Variants in GABRR1 observed in about 807,000 individuals in gnomAD.
The protein encoded by GABRR1 is gamma-aminobutyric acid receptor subunit rho-1.
In GABRR1, 59 loss-of-function variants were observed where a neutral mutation model predicts 55.5. That is an observed-to-expected ratio of 1.06 (90% confidence interval 0.86 to 1.32). The LOEUF is 1.32. Ranked by LOEUF, GABRR1 falls within the 40% of genes most tolerant of loss-of-function variation. GABRR1 has a pLI of 0.00. For missense variants in GABRR1, 602 were observed against 619.1 expected (o/e 0.97, Z 0.29); for synonymous variants, 213 against 226.0 (o/e 0.94, Z 0.51).
At chr6:89,196,620 T>C (rs1201211484) in intron 5 of GABRR1, among the ~76,000 whole-genome samples, 2 of 151,878 alleles carry the variant, frequency 1.3e-5, no homozygotes, top group African/African-American at 2.4e-5. Context: ...AAATAATTTT[T>C]TAAAAAATTA....
chr6:89,226,190 G>A (rs1430943407), intron 1 of GABRR1, among the ~76,000 whole-genome samples: 2 of 151,090 alleles, frequency 1.3e-5, no homozygotes, highest in Non-Finnish European at 3.0e-5. Flanking sequence ...AGTAGGTTGC[G>A]AAAATTTTCT....
At chr6:89,204,332 C>T (rs888818669) in intron 1 of GABRR1, among the ~76,000 whole-genome samples, 1 of 152,168 alleles carries the variant, frequency 6.6e-6, no homozygotes, top group Non-Finnish European at 1.5e-5. Context: ...GCTCTGCAGG[C>T]GTGGGCAGAG....
intron 1 of GABRR1, among the ~76,000 whole-genome samples, chr6:89,210,209 T>C (rs986175562): frequency 1.2e-3 from 105 of 84,954 alleles, no homozygotes; most frequent in African/African-American, 5.6e-3. Flanking sequence ...TTTTTTTTTT[T>C]TTGGAGATAG....
intron 1 of GABRR1, among the ~76,000 whole-genome samples, chr6:89,215,688 A>G (rs1333152879): frequency 1.3e-5 from 2 of 152,238 alleles, no homozygotes; most frequent in African/African-American, 4.8e-5. Context: ...CTCACCACAA[A>G]AAAACAGTAA....
At chr6:89,224,778 T>C (rs1157574808) in intron 1 of GABRR1, among the ~76,000 whole-genome samples, 2 of 136,064 alleles carry the variant, frequency 1.5e-5, no homozygotes, top group Admixed American at 1.4e-4. Flanking sequence ...TGATGTTTTC[T>C]TCTAGAATTT....
intron 8 of GABRR1, 93 bp downstream of exon 8, chr6:89,181,812 A>G: frequency 7.8e-7 from 1 of 1,277,512 alleles, no homozygotes; most frequent in Non-Finnish European, 1.1e-6. Context: ...AAAGGGATAC[A>G]GAATCAATTT....
At chr6:89,230,870 C>T (rs1419919245) in intron 1 of GABRR1, among the ~76,000 whole-genome samples, 3 of 149,800 alleles carry the variant, frequency 2.0e-5, no homozygotes, top group South Asian at 2.1e-4. Flanking sequence ...GCCTCGCTGC[C>T]GCCTTGCAGT....
At chr6:89,189,042 CTG>C (rs71913424) in intron 6 of GABRR1, among the ~76,000 whole-genome samples, 239 of 146,410 alleles carry the variant, frequency 1.6e-3, no homozygotes, top group Middle Eastern at 3.5e-3. Context: ...GAACTCATGT[CTG>C]TGTGTGTGTG....
chr6:89,204,142 C>G (rs1772568873), intron 1 of GABRR1, among the ~76,000 whole-genome samples: 1 of 152,196 alleles, frequency 6.6e-6, no homozygotes, highest in South Asian at 2.1e-4. Context: ...ACGTGCCTGA[C>G]TGGATCACTG....
At chr6:89,180,759 A>C (rs1459346200) in intron 8 of GABRR1, among the ~76,000 whole-genome samples, 1 of 152,038 alleles carries the variant, frequency 6.6e-6, no homozygotes, top group Non-Finnish European at 1.5e-5. Flanking sequence ...TCTGCAAAGA[A>C]CCCTAGACAT....
upstream of GABRR1, chr6:89,217,617 A>G (rs1373031003): frequency 7.5e-6 from 2 of 265,008 alleles, no homozygotes; most frequent in African/African-American, 4.5e-5. Context: ...TGCAGTAAAA[A>G]TGTTGGTAAA....
chr6:89,179,123 A>T, intron 9 of GABRR1, 60 bp from the exon 10 acceptor site: 1 of 1,531,524 alleles, frequency 6.5e-7, no homozygotes. Context: ...GAAGCCCTTC[A>T]AAAGGAACTG....
Position 89,186,086 on chromosome 6 carries a change from T to G in GABRR1, c.656-636A>C, listed in dbSNP as rs533054017. ...CTGGTGAACTCCAAGTGAACAAACC[T>G]ACCTCCAGCCTGAGCATAACTGAGG... On this transcript the variant is annotated intron_variant, in intron 6 of 9. Transcript: ENST00000454853. Among the ~76,000 whole-genome samples the G allele has an allele frequency of 3.3e-5, 5 of 152,308 alleles. No homozygotes were observed. In the East Asian group the frequency reaches 9.7e-4, roughly 29 times the overall value.
chr6:89,217,218 C>T lies in GABRR1; in HGVS notation c.105G>A (p.Glu35=). Residue 35 remains glutamate, a synonymous_variant, in exon 1 of 10, where the codon GAG becomes GAA. Coordinates refer to ENST00000454853, the MANE Select transcript of GABRR1 (RefSeq NM_002042.5). The part of the protein sequence containing the change: ...RMHWPGREVH[E]MSKKGRPQRQ... ...CCACTCACCTGCCTTTCTTAGACAT[C>T]TCGTGGACTTCTCTTCCGGGCCAGT... 6.2e-7 allele frequency: 1 copy of T among 1,614,116 alleles called. No individual in the cohort carries two copies. Among genetic ancestry groups the T allele is most frequent in the Non-Finnish European group, 8.5e-7 (1 of 1,179,996 alleles).
chr6:89,182,326 A>C (rs1562282427), intron 7 of GABRR1, among the ~76,000 whole-genome samples: 2 of 152,182 alleles, frequency 1.3e-5, no homozygotes, highest in African/African-American at 4.8e-5. Flanking sequence ...TTCTTAAGAC[A>C]GTGTATCACT....
intron 5 of GABRR1, among the ~76,000 whole-genome samples, chr6:89,193,628 A>G (rs1772170423): frequency 6.6e-6 from 1 of 152,192 alleles, no homozygotes; most frequent in Admixed American, 6.5e-5. Flanking sequence ...ATTTTCAGGA[A>G]GCTTGTGAGC....
At chr6:89,203,141 G>A (rs1412946260) in intron 2 of GABRR1, among the ~76,000 whole-genome samples, 1 of 152,220 alleles carries the variant, frequency 6.6e-6, no homozygotes, top group Non-Finnish European at 1.5e-5. Context: ...GTGGCCCAGG[G>A]AAAGAATTGG....
Position 89,199,437 on chromosome 6 carries a change from C to A in GABRR1, c.281-8G>T. On this transcript the variant is annotated splice_region_variant and splice_polypyrimidine_tract_variant and intron_variant, in intron 3 of 9. Transcript: ENST00000454853. ...CAACAGGAATGGCAGGGCCTGGGGA[C>A]AGAGCATGGCAAGAGCATTCACTGT... 6.2e-7 allele frequency: 1 copy of A among 1,613,588 alleles called. No individual in the cohort carries two copies. The highest frequency in any genetic ancestry group is 8.5e-7 in the Non-Finnish European group (1 of 1,179,588).
intron 3 of GABRR1, among the ~76,000 whole-genome samples, chr6:89,199,740 A>G (rs564757882): frequency 1.1e-3 from 161 of 152,286 alleles, no homozygotes; most frequent in African/African-American, 3.4e-3. Context: ...GGTCACCCAC[A>G]TTATTCTCTA....
Sources: allele counts gnomAD v4.1 joint callset (sites outside exome capture counted in the v4.1 genomes callset), GRCh38; gene constraint gnomAD v4.1.1; transcripts MANE v1.5; gene names NCBI Gene and HGNC (gene_info 2026-07-23, HGNC 2026-07-21).